Variants in PDZRN3 observed in about 807,000 individuals in gnomAD.
PDZRN3 encodes the protein E3 ubiquitin-protein ligase PDZRN3.
PDZRN3 carries 38 observed loss-of-function variants against 85.7 expected under a neutral mutation model. The ratio of observed to expected loss-of-function variants is 0.44; its 90% CI spans 0.34 to 0.58. The LOEUF (loss-of-function observed/expected upper bound fraction) is 0.58, where lower values mean the gene tolerates loss of function less well. Among genes scored for constraint, PDZRN3 ranks in the 20% least tolerant of loss-of-function variants. The pLI is 0.01. For missense variants in PDZRN3, 1,629 were observed against 1,506.4 expected, an observed-to-expected ratio of 1.08 and a Z score of -1.35; for synonymous variants, 759 against 638.0, an observed-to-expected ratio of 1.19 and a Z score of -2.86.
At chr3:73,609,241 AG>A (rs1300793775) in intron 1 of PDZRN3, among the ~76,000 whole-genome samples, 1 of 152,090 alleles carries the variant, frequency 6.6e-6, no homozygotes, top group Non-Finnish European at 1.5e-5. Flanking sequence ...GAAAAGGGGG[AG>A]GGGGCATTTT....
intron 3 of PDZRN3, among the ~76,000 whole-genome samples, chr3:73,558,217 T>C (rs1309859330): frequency 2.8e-5 from 1 of 35,474 alleles, no homozygotes; most frequent in Non-Finnish European, 5.1e-5. Flanking sequence ...GCTGCTTGGG[T>C]ATGTGAAAAA....
At chr3:73,476,781 G>A (rs964365076) in intron 3 of PDZRN3, among the ~76,000 whole-genome samples, 2 of 152,162 alleles carry the variant, frequency 1.3e-5, no homozygotes, top group Admixed American at 6.5e-5. Context: ...AGCCAGTGAA[G>A]ACCTGAGGCC....
intron 3 of PDZRN3, among the ~76,000 whole-genome samples, chr3:73,456,815 A>C (rs1702986758): frequency 1.3e-5 from 2 of 152,182 alleles, no homozygotes; most frequent in South Asian, 4.1e-4. Context: ...AGGCATAAAT[A>C]CTGCCCAGCG....
intron 3 of PDZRN3, among the ~76,000 whole-genome samples, chr3:73,476,168 T>A (rs1201777734): frequency 1.3e-5 from 2 of 152,156 alleles, no homozygotes; most frequent in Non-Finnish European, 2.9e-5. Context: ...AGGAACTACC[T>A]GAGACCAGAT....
Position 73,384,975 on chromosome 3 carries a change from G to A in PDZRN3, c.1636-45C>T, listed in dbSNP as rs200783487. ...AAGGGTCACAGTGAGGGAGGCCTGCGCAGCAGGTACTCAGGTTTGACCTTT... is the reference window on the plus strand; with the variant it reads ...AAGGGTCACAGTGAGGGAGGCCTGCACAGCAGGTACTCAGGTTTGACCTTT... On this transcript the variant is annotated intron_variant, in intron 9 of 9. Coordinates refer to ENST00000263666, the MANE Select transcript of PDZRN3 (RefSeq NM_015009.3). 6.7e-4 allele frequency: 1,033 copies of A among 1,544,330 alleles called. 1 individual carries two copies. Among genetic ancestry groups the A allele is most frequent in the Non-Finnish European group, 8.7e-4 (993 of 1,146,908 alleles).
chr3:73,390,654 T>TGTGTGAGAGA (rs36036904), intron 6 of PDZRN3, among the ~76,000 whole-genome samples: 9 of 139,962 alleles, frequency 6.4e-5, no homozygotes, highest in African/African-American at 1.9e-4. Flanking sequence ...TGTGTGTGTG[T>TGTGTGAGAGA]GAGAGAGAGA....
At chr3:73,387,218 T>G (rs1701415180) in intron 8 of PDZRN3, among the ~76,000 whole-genome samples, 1 of 152,188 alleles carries the variant, frequency 6.6e-6, no homozygotes, top group South Asian at 2.1e-4. Context: ...TATGTCTTTA[T>G]CAGCAGCATG....
intron 3 of PDZRN3, among the ~76,000 whole-genome samples, chr3:73,462,761 T>C (rs1261377955): frequency 6.6e-6 from 1 of 152,178 alleles, no homozygotes; most frequent in Non-Finnish European, 1.5e-5. Flanking sequence ...ATCGTTTAAG[T>C]GGCCACCACC....
At chr3:73,608,494 T>G (rs1341430170) in intron 2 of PDZRN3, 104 bp downstream of exon 2, 2 of 747,056 alleles carry the variant, frequency 2.7e-6, no homozygotes, top group Non-Finnish European at 2.4e-6. Flanking sequence ...GAGAGCAGAA[T>G]GAAGTGAGCA....
intron 3 of PDZRN3, among the ~76,000 whole-genome samples, chr3:73,418,149 G>C (rs1347453565): frequency 3.3e-5 from 5 of 152,136 alleles, no homozygotes; most frequent in Non-Finnish European, 1.5e-5. Context: ...GCACAGAAGG[G>C]CTTTAAAATA....
At chr3:73,465,675 A>G (rs1703198602) in intron 3 of PDZRN3, among the ~76,000 whole-genome samples, 1 of 152,222 alleles carries the variant, frequency 6.6e-6, no homozygotes, top group South Asian at 2.1e-4. Flanking sequence ...TTCTTTCTGC[A>G]ATATCTTTGC....
At chr3:73,384,968 G>C (rs1211428828) in intron 9 of PDZRN3, 38 bp from the exon 10 acceptor site, 3 of 1,550,950 alleles carry the variant, frequency 1.9e-6, no homozygotes, top group South Asian at 1.3e-5. Flanking sequence ...CAGTGAGGGA[G>C]GCCTGCGCAG....
intron 3 of PDZRN3, among the ~76,000 whole-genome samples, chr3:73,549,573 C>T (rs1008672325): frequency 2.0e-5 from 3 of 152,118 alleles, no homozygotes; most frequent in African/African-American, 7.2e-5. Context: ...CCTTTGTTGC[C>T]AAACATTTCA....
chr3:73,423,568 T>C (rs1247606663), intron 3 of PDZRN3, among the ~76,000 whole-genome samples: 2 of 152,236 alleles, frequency 1.3e-5, no homozygotes, highest in African/African-American at 2.4e-5. Context: ...CATGTAAACT[T>C]AGGAAATGTG....
intron 1 of PDZRN3, among the ~76,000 whole-genome samples, chr3:73,613,214 A>C (rs1283090311): frequency 6.6e-6 from 1 of 152,184 alleles, no homozygotes; most frequent in Non-Finnish European, 1.5e-5. Context: ...AGGTGGTGGG[A>C]GGAGCCATGG....
chr3:73,455,665 C>T (rs1427814532), intron 3 of PDZRN3, among the ~76,000 whole-genome samples: 2 of 152,242 alleles, frequency 1.3e-5, no homozygotes, highest in Non-Finnish European at 2.9e-5. Flanking sequence ...CCAACCTTAT[C>T]TACCTCTGAA....
At chr3:73,478,533 A>G (rs916859329) in intron 3 of PDZRN3, among the ~76,000 whole-genome samples, 16 of 151,168 alleles carry the variant, frequency 1.1e-4, no homozygotes, top group Non-Finnish European at 1.6e-4. Context: ...ATATATTACA[A>G]TGTAATAATA....
intron 1 of PDZRN3, among the ~76,000 whole-genome samples, chr3:73,613,550 T>A (rs1702715279): frequency 6.6e-6 from 1 of 152,024 alleles, no homozygotes; most frequent in African/African-American, 2.4e-5. Context: ...TATCAGTGGG[T>A]CTCGATGGAT....
At chr3:73,573,303 T>A (rs1702070057) in intron 3 of PDZRN3, among the ~76,000 whole-genome samples, 1 of 152,048 alleles carries the variant, frequency 6.6e-6, no homozygotes, top group Non-Finnish European at 1.5e-5. Flanking sequence ...CTGTAGCAAG[T>A]GACAATCTGC....
Sources: allele counts gnomAD v4.1 joint callset (sites outside exome capture counted in the v4.1 genomes callset), GRCh38; gene constraint gnomAD v4.1.1; transcripts MANE v1.5; gene names NCBI Gene and HGNC (gene_info 2026-07-23, HGNC 2026-07-21).